The following TMEM17 variants were observed in gnomAD, a reference collection of about 807,000 sequenced individuals.
The protein encoded by TMEM17 is transmembrane protein 17.
A neutral mutation model predicts 19.1 loss-of-function variants in TMEM17; 15 were observed. That is an observed-to-expected ratio of 0.78 (90% CI 0.52 to 1.21). TMEM17 has a LOEUF of 1.21. TMEM17 is among the 50% of genes most tolerant of loss of function. TMEM17 has a pLI of 0.00. For synonymous variants in TMEM17, 103 were observed against 86.9 expected (o/e 1.19, Z -1.03); for missense variants, 245 against 242.3 (o/e 1.01, Z -0.07).
the TMEM17 span, among the ~76,000 whole-genome samples, chr2:62,479,164 C>T: frequency 1.3e-5 from 2 of 152,296 alleles, no homozygotes; most frequent in Middle Eastern, 3.4e-3. Flanking sequence ...GAACTTAGTC[C>T]TCCTATCTAG....
At chr2:62,491,932 A>C in the TMEM17 span, among the ~76,000 whole-genome samples, 1 of 151,992 alleles carries the variant, frequency 6.6e-6, no homozygotes, top group South Asian at 2.1e-4. Flanking sequence ...AACCAAAAAA[A>C]AAAAAAAACT....
At chr2:62,466,234 T>A in the TMEM17 span, among the ~76,000 whole-genome samples, 1 of 151,400 alleles carries the variant, frequency 6.6e-6, no homozygotes, top group Non-Finnish European at 1.5e-5. Flanking sequence ...TTCTGCAGGG[T>A]GGTAGTGGTG....
the TMEM17 span, among the ~76,000 whole-genome samples, chr2:62,480,209 G>C: frequency 1.3e-5 from 2 of 151,874 alleles, no homozygotes; most frequent in Non-Finnish European, 2.9e-5. Context: ...CTATTTGTAA[G>C]TCTTCTTTTG....
At chr2:62,474,797 C>T in the TMEM17 span, among the ~76,000 whole-genome samples, 5 of 152,242 alleles carry the variant, frequency 3.3e-5, no homozygotes, top group East Asian at 3.9e-4. Flanking sequence ...ATTCATCTTC[C>T]GAGGGTCTCT....
downstream of TMEM17, among the ~76,000 whole-genome samples, chr2:62,500,063 C>G (rs566091779): frequency 7.6e-4 from 115 of 152,266 alleles, no homozygotes; most frequent in Non-Finnish European, 1.2e-3. Context: ...GAACAAGAAC[C>G]TAGTAGATGC....
chr2:62,479,186 T>C, the TMEM17 span, among the ~76,000 whole-genome samples: 1 of 152,360 alleles, frequency 6.6e-6, no homozygotes, highest in South Asian at 2.1e-4. Context: ...TGTAATTTTG[T>C]ATCCTTTAAC....
the TMEM17 span, among the ~76,000 whole-genome samples, chr2:62,476,190 A>G: frequency 1.3e-5 from 2 of 151,232 alleles, no homozygotes; most frequent in South Asian, 4.1e-4. Flanking sequence ...GGGCACAAAA[A>G]TGCCCATTTT....
intron 1 of TMEM17, among the ~76,000 whole-genome samples, 195 bp downstream of exon 1, chr2:62,505,835 G>C (rs927253948): frequency 4.6e-4 from 70 of 152,308 alleles, no homozygotes; most frequent in African/African-American, 1.7e-3. Context: ...GACCAGGCCC[G>C]GCCGGGGGCG....
the TMEM17 span, among the ~76,000 whole-genome samples, chr2:62,467,094 T>C: frequency 6.6e-6 from 1 of 152,244 alleles, no homozygotes. Flanking sequence ...CTTTTTATTC[T>C]GAAAAACAGG....
the TMEM17 span, among the ~76,000 whole-genome samples, chr2:62,492,684 T>C: frequency 6.6e-6 from 1 of 152,366 alleles, no homozygotes; most frequent in Admixed American, 6.5e-5. Flanking sequence ...AGCACTGTCA[T>C]ATGCACTGGA....
rs779285293 is a variant in TMEM17, at chr2:62,502,744, T to C, written c.151A>G (p.Thr51Ala). The C allele has an allele frequency of 6.2e-7, 1 of 1,609,740 alleles. No individual in the cohort carries two copies. Among genetic ancestry groups the C allele is most frequent in the Admixed American group, 1.7e-5 (1 of 58,972 alleles). The change falls in exon 2 of 4, where the codon ACC (threonine) becomes GCC (alanine). Residue 51 changes from threonine to alanine, a missense_variant. Transcript: ENST00000335390. ...LALQMSLYFN[T>A]YYFPLWWVSS... ...ACCCACCACAGTGGGAAATAGTAGG[T>C]ATTAAAATAAAGTGACATCTGCAGT...
chr2:62,478,818 A>G, the TMEM17 span, among the ~76,000 whole-genome samples: 1 of 152,232 alleles, frequency 6.6e-6, no homozygotes, highest in Non-Finnish European at 1.5e-5. Context: ...TACCGTAACT[A>G]TTAGCTCTAG....
At chr2:62,470,671 A>T in the TMEM17 span, among the ~76,000 whole-genome samples, 1 of 152,086 alleles carries the variant, frequency 6.6e-6, no homozygotes, top group Admixed American at 6.5e-5. Flanking sequence ...GCACAATCCC[A>T]CCAGCTTCTC....
chr2:62,463,224 T>C, the TMEM17 span: 2 of 152,124 alleles, frequency 1.3e-5, no homozygotes, highest in African/African-American at 4.8e-5. Flanking sequence ...AGACAGTATA[T>C]AGTTCATTTC....
the TMEM17 span, among the ~76,000 whole-genome samples, chr2:62,466,519 A>G: frequency 6.6e-6 from 1 of 152,118 alleles, no homozygotes; most frequent in Non-Finnish European, 1.5e-5. Context: ...CCACATGAGG[A>G]GACAGAAAAT....
rs1475980849 is a variant in TMEM17, at chr2:62,501,307, T to G, written c.499A>C (p.Asn167His). 2 of 1,614,222 alleles carry G rather than the reference T, an allele frequency of 1.2e-6. No individual in the cohort carries two copies. The highest frequency in any genetic ancestry group is 1.7e-6 in the Non-Finnish European group (2 of 1,180,030). The part of the protein sequence containing the change: ...AAFLTLRKMV[N>H]QLAVRFHLQD... ...AGGTGGAAACGAACTGCCAACTGAT[T>G]AACCATTTTCCTTAAGGTAAGAAAT... is the stretch of plus-strand genomic sequence containing the variant. Residue 167 changes from asparagine to histidine, a missense_variant, in exon 4 of 4, where the codon AAT becomes CAT. Physicochemically the swap from Asn to His is moderately conservative, Grantham distance 68 (BLOSUM62 1). Transcript: ENST00000335390.
chr2:62,498,447 T>C (rs1248659004), downstream of TMEM17, among the ~76,000 whole-genome samples: 2 of 149,880 alleles, frequency 1.3e-5, no homozygotes, highest in East Asian at 3.9e-4. Context: ...CCGGGCGCGG[T>C]GGCTCACGCC....
At chr2:62,496,044 C>CT (rs909331425), downstream of TMEM17, among the ~76,000 whole-genome samples, 5 of 151,728 alleles carry the variant, frequency 3.3e-5, no homozygotes, top group Admixed American at 1.3e-4. Flanking sequence ...ATTCAAAAAT[C>CT]TTTTTTTTAT....
At chr2:62,488,625 T>A in the TMEM17 span, among the ~76,000 whole-genome samples, 1 of 151,986 alleles carries the variant, frequency 6.6e-6, no homozygotes, top group Non-Finnish European at 1.5e-5. Context: ...GTTCTCCCAA[T>A]AAGCTTAATT....
Sources: gnomAD v4.1 joint callset for allele counts (sites outside exome capture counted in the v4.1 genomes callset) on GRCh38, gnomAD v4.1.1 for gene constraint, MANE v1.5 for transcripts, NCBI Gene and HGNC (gene_info 2026-07-23, HGNC 2026-07-21) for gene names.